Variants in IKZF1 observed in about 807,000 individuals in gnomAD.
IKZF1 encodes the protein DNA-binding protein Ikaros.
IKZF1 carries 10 observed loss-of-function variants against 51.7 expected under a neutral mutation model. The ratio of observed to expected loss-of-function variants is 0.19; its 90% CI spans 0.12 to 0.33. The LOEUF is 0.33. Among genes scored for constraint, IKZF1 ranks in the 10% least tolerant of loss-of-function variants. IKZF1 has a pLI of 1.00. For missense variants in IKZF1, 484 were observed against 707.5 expected, an observed-to-expected ratio of 0.68 and a Z score of 3.58; for synonymous variants, 280 against 282.3, an observed-to-expected ratio of 0.99 and a Z score of 0.08.
At chr7:50,363,255 A>C (rs1413853022) in intron 3 of IKZF1, among the ~76,000 whole-genome samples, 2 of 152,198 alleles carry the variant, frequency 1.3e-5, no homozygotes, top group Non-Finnish European at 2.9e-5. Context: ...GGCCCTGGGC[A>C]TATTTCCACT....
At chr7:50,343,489 A>G (rs139279783) in intron 3 of IKZF1, among the ~76,000 whole-genome samples, 1 of 152,302 alleles carries the variant, frequency 6.6e-6, no homozygotes, top group Non-Finnish European at 1.5e-5. Flanking sequence ...GCGGGGAGTA[A>G]CTGGAAGAGT....
rs188969641 is a variant in IKZF1 at position 50,361,747 on chromosome 7, G to A, written c.161-14786G>A. Among the ~76,000 whole-genome samples the A allele has an allele frequency of 4.7e-3, 721 of 152,158 alleles. 6 individuals carry two copies. The highest frequency in any genetic ancestry group is 0.016 in the African/African-American group (675 of 41,492). On this transcript the variant is annotated intron_variant, in intron 3 of 7. Transcript: ENST00000331340. ...AAATATTAGCTGGGCATGGTGGTGC[G>A]CGCCTGTAGTCCCAGCTACCCGGGA...
upstream of IKZF1, chr7:50,303,992 G>A (rs1420695031): frequency 2.1e-5 from 3 of 145,132 alleles, no homozygotes; most frequent in African/African-American, 7.4e-5. This position sits in a 1 kb window ranked among gnomAD's most constrained non-coding sequence, Gnocchi z 4.7. Context: ...GCGATGCTGC[G>A]CTGGAATGAG....
At chr7:50,331,662 T>C (rs1251349926) in intron 3 of IKZF1, among the ~76,000 whole-genome samples, 1 of 152,196 alleles carries the variant, frequency 6.6e-6, no homozygotes, top group African/African-American at 2.4e-5. Flanking sequence ...TGCAAAGTTA[T>C]ACTGATTGGT....
At position 50,403,005 on chromosome 7, in the gene IKZF1, G is replaced by C. The variant is rs1488473795; in HGVS notation, c.*2378G>C. On this transcript the variant is annotated 3_prime_UTR_variant, in exon 8 of 8. Coordinates refer to ENST00000331340, the MANE Select transcript of IKZF1 (RefSeq NM_006060.6). ...TTCCATCCATCCCCCTGAGTCAGTT[G>C]GTTGAAGGGAGTTATTTTTTCAAGT... The C allele has an allele frequency of 1.3e-5, 3 of 225,686 alleles. No individual in the cohort carries two copies. Among genetic ancestry groups the C allele is most frequent in the Non-Finnish European group, 2.6e-5 (3 of 113,352 alleles). The allele number at this position is 225,686 out of a possible 1,614,324, so 14.0% of individuals were successfully genotyped here. A position where few individuals can be genotyped will look rare whatever the true frequency, so the allele number is the denominator to read the frequency against.
rs114598817 is a variant in IKZF1, at chr7:50,320,590, G to A, written c.40+1489G>A. 1.6e-3 allele frequency among the ~76,000 whole-genome samples: 243 copies of A among 152,100 alleles called. 2 individuals are homozygous for A. Among genetic ancestry groups the A allele is most frequent in the African/African-American group, 2.0e-3 (85 of 41,486 alleles). ...ATCTCTCCCTATCTTCCACTCCCCCGACCTTTCCAGCCTCTATTAGCCTCT... is the reference window on the plus strand; with the variant it reads ...ATCTCTCCCTATCTTCCACTCCCCCAACCTTTCCAGCCTCTATTAGCCTCT... On this transcript the variant is annotated intron_variant, in intron 2 of 7. Transcript: ENST00000331340.
chr7:50,399,935 G>A lies in IKZF1; in HGVS notation c.868G>A (p.Asp290Asn), dbSNP rs748734341. The change falls in exon 8 of 8, where the codon GAC (aspartate) becomes AAC (asparagine). Residue 290 changes from aspartate to asparagine, a missense_variant. This residue lies in a region of IKZF1 where 172 missense variants were observed against 192.7 expected (regional missense o/e 0.89). Coordinates refer to ENST00000331340, the MANE Select transcript of IKZF1 (RefSeq NM_006060.6). ...TTCCACAGGGGACAAGGGCCTGTCC[G>A]ACACGCCCTACGACAGCAGCGCCAG... The part of the protein sequence containing the change: ...QKFLGDKGLS[D>N]TPYDSSASYE... 4 of 1,612,602 alleles carry A rather than the reference G, an allele frequency of 2.5e-6. No homozygotes were observed. In the South Asian group the frequency reaches 3.3e-5, roughly 13 times the overall value.
intron 7 of IKZF1, among the ~76,000 whole-genome samples, chr7:50,397,138 T>G (rs1163785594): frequency 6.6e-6 from 1 of 152,234 alleles, no homozygotes; most frequent in Non-Finnish European, 1.5e-5. Flanking sequence ...GAAATGAGAT[T>G]AGCAGCAAAG....
intron 1 of IKZF1, chr7:50,318,382 C>T (rs1018008072): frequency 3.1e-5 from 7 of 228,776 alleles, no homozygotes; most frequent in African/African-American, 8.9e-5. Flanking sequence ...CTCCTGGGCT[C>T]GTTTTGCTGC....
chr7:50,309,450 T>TCCTTC (rs1432642437), intron 1 of IKZF1, among the ~76,000 whole-genome samples: 6 of 152,166 alleles, frequency 3.9e-5, no homozygotes, highest in Admixed American at 3.3e-4. Context: ...GCCTTTCCTG[T>TCCTTC]CCTTCCCTTC....
rs142506194 is a variant in IKZF1 at position 50,316,816 on chromosome 7, G to C, written c.-14-2232G>C. ...TCCACTGGAAGGGCGTTTGCCAGTGGTGTTGGTTGGAAGAGCCTTGACTTT... is the reference window on the plus strand; with the variant it reads ...TCCACTGGAAGGGCGTTTGCCAGTGCTGTTGGTTGGAAGAGCCTTGACTTT... On this transcript the variant is annotated intron_variant, in intron 1 of 7. Coordinates refer to ENST00000331340, the MANE Select transcript of IKZF1 (RefSeq NM_006060.6). Among the ~76,000 whole-genome samples, 28 of 152,376 alleles carry C rather than the reference G, an allele frequency of 1.8e-4. 1 individual carries two copies. In the East Asian group the frequency reaches 5.4e-3, roughly 29 times the overall value.
At chr7:50,330,009 G>T (rs1379724614) in intron 3 of IKZF1, among the ~76,000 whole-genome samples, 1 of 152,188 alleles carries the variant, frequency 6.6e-6, no homozygotes, top group Non-Finnish European at 1.5e-5. Flanking sequence ...CATATTGTTG[G>T]TGGGTTTTCC....
chr7:50,333,932 C>G (rs1176590133), intron 3 of IKZF1, among the ~76,000 whole-genome samples: 1 of 152,160 alleles, frequency 6.6e-6, no homozygotes, highest in East Asian at 1.9e-4. Context: ...GGTTGGAAAG[C>G]CTCCCCTTTT....
chr7:50,315,362 G>T (rs1347249834), intron 1 of IKZF1, among the ~76,000 whole-genome samples: 1 of 152,170 alleles, frequency 6.6e-6, no homozygotes, highest in East Asian at 1.9e-4. Context: ...TCAGTGAGCA[G>T]TCCAGAGTTG....
chr7:50,355,101 A>G (rs1321958069), intron 3 of IKZF1, among the ~76,000 whole-genome samples: 1 of 152,154 alleles, frequency 6.6e-6, no homozygotes, highest in Non-Finnish European at 1.5e-5. Context: ...CTCTCTCCCC[A>G]GTGGCCTCAG....
chr7:50,374,519 A>G (rs1182600814), intron 3 of IKZF1, among the ~76,000 whole-genome samples: 3 of 152,180 alleles, frequency 2.0e-5, no homozygotes, highest in African/African-American at 7.2e-5. Flanking sequence ...TTCAACTGTA[A>G]AATAGGATAA....
intron 3 of IKZF1, among the ~76,000 whole-genome samples, chr7:50,371,747 T>C (rs919483291): frequency 3.9e-5 from 6 of 152,234 alleles, no homozygotes; most frequent in Admixed American, 2.0e-4. Context: ...CAGGAATTAG[T>C]TTCAGTCCCC....
chr7:50,322,492 T>C (rs11773365), intron 2 of IKZF1, among the ~76,000 whole-genome samples: 10 of 152,208 alleles, frequency 6.6e-5, no homozygotes, highest in Non-Finnish European at 1.0e-4. Flanking sequence ...TGTGTAGTAG[T>C]AGACACTCCA....
At position 50,376,425 on chromosome 7, in the gene IKZF1, G is replaced by C. The variant is rs1451454571; in HGVS notation, c.161-108G>C. 1.3e-6 allele frequency: 2 copies of C among 1,514,822 alleles called. No homozygotes were observed. Among genetic ancestry groups the C allele is most frequent in the Non-Finnish European group, 1.8e-6 (2 of 1,129,346 alleles). 93.8% of individuals were successfully genotyped at this position (1,514,822 alleles called of 1,614,324 possible). On this transcript the variant is annotated intron_variant, in intron 3 of 7. Coordinates refer to ENST00000331340, the MANE Select transcript of IKZF1 (RefSeq NM_006060.6). This position sits in a 1 kb window ranked among gnomAD's most constrained non-coding sequence, Gnocchi z 4.5. ...CCCTTGGTATTTGCTAAGAACTTCT[G>C]TTTAGTAGCTCTCCACACCTATTTG...
Sources: allele counts gnomAD v4.1 joint callset (sites outside exome capture counted in the v4.1 genomes callset), GRCh38; gene constraint gnomAD v4.1.1; regional missense constraint gnomAD v4.1.1; non-coding constraint Gnocchi (gnomAD v3.1); transcripts MANE v1.5; gene names NCBI Gene and HGNC (gene_info 2026-07-23, HGNC 2026-07-21).